KIAA1328: variants seen among roughly 807,000 people sequenced by gnomAD.
KIAA1328 encodes protein hinderin.
In KIAA1328, 52 loss-of-function variants were observed where a neutral mutation model predicts 68.1. The observed-to-expected ratio is 0.76, with a 90% confidence interval of 0.61 to 0.96. The LOEUF is 0.96. KIAA1328 is among the 40% of genes least tolerant of loss of function. The pLI is 0.00. For missense variants in KIAA1328, 641 were observed against 677.6 expected, an observed-to-expected ratio of 0.95 and a Z score of 0.60; for synonymous variants, 232 against 239.4, an observed-to-expected ratio of 0.97 and a Z score of 0.28.
At chr18:36,905,568 T>C (rs561713234) in intron 5 of KIAA1328, among the ~76,000 whole-genome samples, 8 of 152,188 alleles carry the variant, frequency 5.3e-5, no homozygotes, top group Non-Finnish European at 1.2e-4. Flanking sequence ...AAAACGTCTT[T>C]ATTTTGCAAG....
At chr18:36,842,575 T>C (rs1403209913) in intron 3 of KIAA1328, among the ~76,000 whole-genome samples, 1 of 152,188 alleles carries the variant, frequency 6.6e-6, no homozygotes, top group African/African-American at 2.4e-5. Flanking sequence ...TAGAATTTCA[T>C]TGTATCAATA....
intron 9 of KIAA1328, among the ~76,000 whole-genome samples, chr18:37,188,056 T>A (rs2154216874): frequency 6.6e-6 from 1 of 152,360 alleles, no homozygotes; most frequent in South Asian, 2.1e-4. Flanking sequence ...CCAGTTGGTT[T>A]TGAAGCTCAA....
chr18:36,950,444 T>C (rs2051112221), intron 5 of KIAA1328, among the ~76,000 whole-genome samples: 1 of 152,186 alleles, frequency 6.6e-6, no homozygotes, highest in African/African-American at 2.4e-5. Flanking sequence ...GCTGAAGAGA[T>C]ACCAAGATTA....
intron 9 of KIAA1328, among the ~76,000 whole-genome samples, chr18:37,181,134 T>C (rs2059691750): frequency 6.6e-6 from 1 of 152,158 alleles, no homozygotes; most frequent in Non-Finnish European, 1.5e-5. Flanking sequence ...TTATTCACTA[T>C]ACACAAAGTA....
At chr18:37,027,723 T>A (rs2054645101) in intron 6 of KIAA1328, among the ~76,000 whole-genome samples, 1 of 152,062 alleles carries the variant, frequency 6.6e-6, no homozygotes. Context: ...TAATTCAAGA[T>A]GGATTAAAGA....
chr18:37,024,770 T>C (rs1299917314), intron 6 of KIAA1328, among the ~76,000 whole-genome samples: 4 of 152,210 alleles, frequency 2.6e-5, no homozygotes, highest in African/African-American at 9.7e-5. Context: ...CTCAATCCAG[T>C]CTATCATTGT....
chr18:37,088,507 A>T (rs953994776), intron 7 of KIAA1328, among the ~76,000 whole-genome samples: 2 of 151,990 alleles, frequency 1.3e-5, no homozygotes, highest in African/African-American at 4.8e-5. Flanking sequence ...TTCACTTCCT[A>T]TGTTCATATT....
chr18:36,879,440 C>T (rs1432852630), intron 4 of KIAA1328, among the ~76,000 whole-genome samples: 2 of 152,078 alleles, frequency 1.3e-5, no homozygotes, highest in African/African-American at 2.4e-5. Flanking sequence ...CGGAGCTCTC[C>T]TATATGAGGT....
intron 5 of KIAA1328, chr18:36,895,887 A>G (rs1305402448): frequency 1.2e-5 from 5 of 409,232 alleles, no homozygotes; most frequent in Non-Finnish European, 2.5e-5. Context: ...GTCCTGTGTG[A>G]GGCCACAGCA....
downstream of KIAA1328, among the ~76,000 whole-genome samples, chr18:37,225,944 C>A (rs937499827): frequency 2.6e-5 from 4 of 152,196 alleles, no homozygotes; most frequent in Non-Finnish European, 4.4e-5. Flanking sequence ...TCATGGACTA[C>A]TGGTAACACC....
chr18:36,837,125 A>G (rs922101152), intron 3 of KIAA1328, among the ~76,000 whole-genome samples: 7 of 152,166 alleles, frequency 4.6e-5, no homozygotes, highest in Admixed American at 1.3e-4. Context: ...CTATAAGTGA[A>G]TTGCTGTGTC....
Position 36,920,600 on chromosome 18 carries a change from C to T in KIAA1328, c.448+34928C>T, listed in dbSNP as rs1006899897. 5.9e-5 allele frequency among the ~76,000 whole-genome samples: 9 copies of T among 152,134 alleles called. No homozygotes were observed. The East Asian group carries it at 1.7e-3, about 29-fold the overall frequency. ...AAGCTTTATTAGAATGTGTCCAGGT[C>T]AACCTTTATCCTGGGGCTAATTTAG... is the stretch of plus-strand genomic sequence containing the variant. On this transcript the variant is annotated intron_variant, in intron 5 of 9. Coordinates refer to ENST00000280020, the MANE Select transcript of KIAA1328 (RefSeq NM_020776.3).
At chr18:36,936,712 C>T (rs2050513584) in intron 5 of KIAA1328, among the ~76,000 whole-genome samples, 2 of 152,300 alleles carry the variant, frequency 1.3e-5, no homozygotes, top group Middle Eastern at 3.4e-3. Flanking sequence ...AATGGTTGAA[C>T]TAATTTACAT....
At chr18:36,920,524 G>A (rs2049878284) in intron 5 of KIAA1328, among the ~76,000 whole-genome samples, 2 of 152,154 alleles carry the variant, frequency 1.3e-5, no homozygotes, top group Non-Finnish European at 2.9e-5. Flanking sequence ...GGATTGCAAA[G>A]TTTAGTCTTT....
chr18:37,150,299 C>T (rs2058999906), intron 7 of KIAA1328, among the ~76,000 whole-genome samples: 1 of 152,094 alleles, frequency 6.6e-6, no homozygotes, highest in Non-Finnish European at 1.5e-5. Flanking sequence ...CTGTCCTGTG[C>T]ATTGTAGGAT....
chr18:37,154,572 T>A (rs912459383), intron 7 of KIAA1328, among the ~76,000 whole-genome samples: 3 of 152,156 alleles, frequency 2.0e-5, no homozygotes, highest in Non-Finnish European at 4.4e-5. Flanking sequence ...CATCATTCTG[T>A]GAGATCCCAA....
intron 6 of KIAA1328, among the ~76,000 whole-genome samples, chr18:37,041,464 A>G (rs143008038): frequency 6.7e-4 from 101 of 151,264 alleles, no homozygotes; most frequent in Admixed American, 1.5e-3. Flanking sequence ...ATACATTTGG[A>G]CCTTCTTATT....
At chr18:36,971,698 C>T (rs770247927) in intron 6 of KIAA1328, among the ~76,000 whole-genome samples, 10 of 152,022 alleles carry the variant, frequency 6.6e-5, no homozygotes, top group Non-Finnish European at 1.0e-4. Flanking sequence ...TAAAAAAGAA[C>T]GAGATCATGT....
chr18:37,177,995 A>G (rs966676505), intron 9 of KIAA1328, among the ~76,000 whole-genome samples: 4 of 152,082 alleles, frequency 2.6e-5, no homozygotes, highest in African/African-American at 9.7e-5. Context: ...CCTCTCTTCT[A>G]GTTATTTTGA....
Sources: gnomAD v4.1 joint callset for allele counts (sites outside exome capture counted in the v4.1 genomes callset) on GRCh38, gnomAD v4.1.1 for gene constraint, MANE v1.5 for transcripts, NCBI Gene and HGNC (gene_info 2026-07-23, HGNC 2026-07-21) for gene names.